KCND2: variants seen among roughly 807,000 people sequenced by gnomAD.
The protein encoded by KCND2 is potassium voltage-gated channel subfamily D member 2, also known as A-type voltage-gated potassium channel KCND2.
Under a neutral mutation model 54.4 loss-of-function variants are expected in KCND2, and 16 were observed. The observed-to-expected ratio is 0.29, with a 90% CI of 0.20 to 0.45. KCND2 has a LOEUF of 0.45. Among genes scored for constraint, KCND2 ranks in the 20% least tolerant of loss-of-function variants. The pLI is 1.00. For synonymous variants in KCND2, 317 were observed against 310.7 expected (o/e 1.02, Z -0.21); for missense variants, 486 against 824.2 (o/e 0.59, Z 5.02).
chr7:120,274,382 G>A lies in KCND2; in HGVS notation c.-251G>A. On this transcript the variant is annotated 5_prime_UTR_variant, in exon 1 of 6. Transcript: ENST00000331113. ...CCACCTGCAGGAAGAGATTTGGCTG[G>A]GTTCTGTTGAGGGTGATTGTTAGGA... is the stretch of plus-strand genomic sequence containing the variant. 1 of 582,180 alleles carries A rather than the reference G, an allele frequency of 1.7e-6. No individual in the cohort carries two copies. Among genetic ancestry groups the A allele is most frequent in the South Asian group, 2.0e-5 (1 of 49,536 alleles). The allele number at this position is 582,180 out of a possible 1,614,324, so 36.1% of individuals were successfully genotyped here.
intron 1 of KCND2, among the ~76,000 whole-genome samples, chr7:120,423,790 G>A (rs529299370): frequency 1.4e-4 from 21 of 152,228 alleles, no homozygotes; most frequent in Non-Finnish European, 2.9e-4. Flanking sequence ...GTTCTGGTAC[G>A]CACTGCTGGC....
At chr7:120,608,180 TA>T in intron 1 of KCND2, among the ~76,000 whole-genome samples, 1 of 152,044 alleles carries the variant, frequency 6.6e-6, no homozygotes, top group Non-Finnish European at 1.5e-5. Flanking sequence ...GACAGTATTA[TA>T]AAAAGATGGG....
intron 1 of KCND2, among the ~76,000 whole-genome samples, chr7:120,418,936 A>G (rs1339762836): frequency 6.6e-6 from 1 of 152,204 alleles, no homozygotes; most frequent in Non-Finnish European, 1.5e-5. Flanking sequence ...GAAAAAAATC[A>G]TGTGTTAAAT....
chr7:120,660,570 G>A lies in KCND2; in HGVS notation c.1116-72333G>A, dbSNP rs182235404. On this transcript the variant is annotated intron_variant, in intron 1 of 5. Coordinates refer to ENST00000331113, the MANE Select transcript of KCND2 (RefSeq NM_012281.3). ...TGCCATTATTATTGATGAGGATAGGGCAGCCAGGATGGTCTTGAAAAACCA... is the reference window on the plus strand; with the variant it reads ...TGCCATTATTATTGATGAGGATAGGACAGCCAGGATGGTCTTGAAAAACCA... Among the ~76,000 whole-genome samples the A allele has an allele frequency of 2.0e-5, 3 of 152,302 alleles. No individual in the cohort carries two copies. In the East Asian group the frequency reaches 5.8e-4, roughly 29 times the overall value.
chr7:120,629,619 C>T (rs1348535761), intron 1 of KCND2, among the ~76,000 whole-genome samples: 1 of 152,170 alleles, frequency 6.6e-6, no homozygotes, highest in Non-Finnish European at 1.5e-5. Context: ...ATGAATTGCT[C>T]TTCCTATTGA....
chr7:120,650,444 G>A lies in KCND2; in HGVS notation c.1116-82459G>A, dbSNP rs774007888. 7.8e-5 allele frequency among the ~76,000 whole-genome samples: 11 copies of A among 141,706 alleles called. 2 individuals carry two copies. The highest frequency in any genetic ancestry group is 7.6e-5 in the Non-Finnish European group (5 of 65,448). The allele number at this position is 141,706 out of a possible 152,430, so 93.0% of individuals were successfully genotyped here. A position where few individuals can be genotyped will look rare whatever the true frequency, so the allele number is the denominator to read the frequency against. On this transcript the variant is annotated intron_variant, in intron 1 of 5. Coordinates refer to ENST00000331113, the MANE Select transcript of KCND2 (RefSeq NM_012281.3). ...GCTGTGCATTTGTCGTGTAGTTCTC[G>A]TGCCATGGTTTTCAGCTCCATCAGG...
intron 1 of KCND2, among the ~76,000 whole-genome samples, chr7:120,386,347 A>G (rs767725818): frequency 3.9e-5 from 6 of 152,084 alleles, no homozygotes; most frequent in Admixed American, 2.6e-4. Context: ...TTAATCATTT[A>G]TCTTGCCCAT....
intron 1 of KCND2, among the ~76,000 whole-genome samples, chr7:120,317,504 T>G (rs942116243): frequency 7.2e-5 from 11 of 152,186 alleles, no homozygotes; most frequent in African/African-American, 2.2e-4. Flanking sequence ...CTGTATTCAG[T>G]GTGAATTATG....
intron 1 of KCND2, among the ~76,000 whole-genome samples, chr7:120,462,201 G>A (rs1003092243): frequency 6.7e-6 from 1 of 149,732 alleles, no homozygotes; most frequent in African/African-American, 2.5e-5. Context: ...CCCAAAAATT[G>A]GATTCTTTTT....
At chr7:120,414,432 A>G (rs1037216961) in intron 1 of KCND2, among the ~76,000 whole-genome samples, 5 of 152,108 alleles carry the variant, frequency 3.3e-5, no homozygotes, top group African/African-American at 7.2e-5. Context: ...ACATTTATTG[A>G]TTATACGTAT....
At chr7:120,595,002 A>G (rs1204890496) in intron 1 of KCND2, among the ~76,000 whole-genome samples, 1 of 151,664 alleles carries the variant, frequency 6.6e-6, no homozygotes, top group Non-Finnish European at 1.5e-5. Flanking sequence ...CCTTGGCAAC[A>G]AGATTGAGAC....
rs550731733 is a variant in KCND2 at position 120,426,682 on chromosome 7, C to T, written c.1115+150935C>T. ...TGTCGCCCAGGCTGGAGTGCAGTGG[C>T]GCAATCTCAGCTCACTGCAAGCTCC... On this transcript the variant is annotated intron_variant, in intron 1 of 5. Coordinates refer to ENST00000331113, the MANE Select transcript of KCND2 (RefSeq NM_012281.3). 1.1e-3 allele frequency among the ~76,000 whole-genome samples: 158 copies of T among 145,336 alleles called. 1 individual carries two copies. The South Asian group carries it at 0.011, about 10-fold the overall frequency.
At chr7:120,464,968 A>T (rs1015656001) in intron 1 of KCND2, among the ~76,000 whole-genome samples, 1 of 152,202 alleles carries the variant, frequency 6.6e-6, no homozygotes. Flanking sequence ...TTTAAGGTCA[A>T]CTGGCTGGCT....
chr7:120,537,735 A>C (rs1013227197), intron 1 of KCND2, among the ~76,000 whole-genome samples: 2 of 152,144 alleles, frequency 1.3e-5, no homozygotes, highest in Non-Finnish European at 2.9e-5. Flanking sequence ...CGTAAACCTC[A>C]TGAACCAACC....
intron 1 of KCND2, among the ~76,000 whole-genome samples, chr7:120,528,581 C>G (rs1791805126): frequency 6.6e-6 from 1 of 151,996 alleles, no homozygotes; most frequent in South Asian, 2.1e-4. Flanking sequence ...CTCAGAGTAA[C>G]CAGCAACTTT....
intron 1 of KCND2, among the ~76,000 whole-genome samples, chr7:120,301,089 A>G (rs1430842118): frequency 6.6e-6 from 1 of 152,174 alleles, no homozygotes; most frequent in African/African-American, 2.4e-5. Flanking sequence ...TTGATGAATT[A>G]TATACAACAA....
intron 1 of KCND2, among the ~76,000 whole-genome samples, chr7:120,474,114 G>A (rs931077178): frequency 6.6e-6 from 1 of 152,142 alleles, no homozygotes; most frequent in African/African-American, 2.4e-5. Flanking sequence ...GTCAGCCCCA[G>A]CTTATGTGGA....
chr7:120,693,377 T>G (rs1322498340), intron 1 of KCND2, among the ~76,000 whole-genome samples: 2 of 152,170 alleles, frequency 1.3e-5, no homozygotes, highest in Non-Finnish European at 2.9e-5. Flanking sequence ...TCTGTCTTAT[T>G]AGGTGGTGAG....
At chr7:120,417,537 G>A (rs913496580) in intron 1 of KCND2, among the ~76,000 whole-genome samples, 1 of 152,160 alleles carries the variant, frequency 6.6e-6, no homozygotes, top group South Asian at 2.1e-4. Context: ...TTCAGAAACA[G>A]CCTCCAGTAT....
Sources: allele counts gnomAD v4.1 joint callset (sites outside exome capture counted in the v4.1 genomes callset), GRCh38; gene constraint gnomAD v4.1.1; transcripts MANE v1.5; gene names NCBI Gene and HGNC (gene_info 2026-07-23, HGNC 2026-07-21).